The following FHIT variants were observed in gnomAD, a reference collection of about 807,000 sequenced individuals.
FHIT encodes the protein bis(5'-adenosyl)-triphosphatase.
FHIT carries 19 observed loss-of-function variants against 17.9 expected under a neutral mutation model. The ratio of observed to expected loss-of-function variants is 1.06; its 90% confidence interval spans 0.74 to 1.56. The LOEUF (loss-of-function observed/expected upper bound fraction) is 1.56. Ranked by LOEUF, FHIT falls within the 40% of genes most tolerant of loss-of-function variation. The probability of loss-of-function intolerance (pLI) is 0.00; values close to 1 mark genes in which losing one functional copy is unlikely to be tolerated. For missense variants in FHIT, 248 were observed against 189.2 expected, an observed-to-expected ratio of 1.31 and a Z score of -1.82; for synonymous variants, 81 against 69.7, an observed-to-expected ratio of 1.16 and a Z score of -0.81.
intron 3 of FHIT, among the ~76,000 whole-genome samples, chr3:60,947,685 A>G (rs1255079332): frequency 2.6e-5 from 4 of 152,190 alleles, no homozygotes; most frequent in Non-Finnish European, 5.9e-5. Flanking sequence ...TGGTCTTGTG[A>G]TCATGTCTTC....
chr3:60,207,373 C>T (rs1703245710), intron 5 of FHIT, among the ~76,000 whole-genome samples: 1 of 152,018 alleles, frequency 6.6e-6, no homozygotes, highest in South Asian at 2.1e-4. Flanking sequence ...CAACCTACAC[C>T]TTTCCTTCCT....
At chr3:60,359,843 G>C (rs17062818) in intron 5 of FHIT, among the ~76,000 whole-genome samples, 1 of 152,078 alleles carries the variant, frequency 6.6e-6, no homozygotes, top group African/African-American at 2.4e-5. Context: ...TATATATCAG[G>C]CTGGCTTTCT....
intron 4 of FHIT, among the ~76,000 whole-genome samples, chr3:60,567,493 C>T (rs532325894): frequency 1.3e-5 from 2 of 152,156 alleles, no homozygotes; most frequent in Admixed American, 6.5e-5. Flanking sequence ...GACCTAAAAC[C>T]ATAAAAACCC....
At chr3:60,556,039 T>G (rs1391494864) in intron 4 of FHIT, among the ~76,000 whole-genome samples, 1 of 152,212 alleles carries the variant, frequency 6.6e-6, no homozygotes, top group African/African-American at 2.4e-5. Flanking sequence ...TGTCCTCCTT[T>G]TCACTTGTAT....
chr3:61,027,137 A>G (rs2032774906), intron 3 of FHIT, among the ~76,000 whole-genome samples: 1 of 152,166 alleles, frequency 6.6e-6, no homozygotes, highest in East Asian at 1.9e-4. Context: ...CCCAGGCTAC[A>G]GTGCAGTGGC....
intron 8 of FHIT, among the ~76,000 whole-genome samples, chr3:59,913,338 G>C (rs1704975364): frequency 6.6e-6 from 1 of 152,098 alleles, no homozygotes; most frequent in Admixed American, 6.5e-5. Context: ...TAAAATTGAA[G>C]GATAATATTT....
chr3:59,968,020 G>C (rs1200597565), intron 7 of FHIT, among the ~76,000 whole-genome samples: 1 of 152,056 alleles, frequency 6.6e-6, no homozygotes, highest in Non-Finnish European at 1.5e-5. Flanking sequence ...ACACAGCAGG[G>C]CTCAAGCAAG....
chr3:59,945,381 GTTAAT>G (rs1706748836), intron 7 of FHIT, among the ~76,000 whole-genome samples: 1 of 152,054 alleles, frequency 6.6e-6, no homozygotes, highest in East Asian at 1.9e-4. Flanking sequence ...GTTTTTGCTT[GTTAAT>G]TTATTTAAAT....
intron 5 of FHIT, among the ~76,000 whole-genome samples, chr3:60,092,576 A>T (rs1703777836): frequency 6.6e-6 from 1 of 152,196 alleles, no homozygotes. Context: ...TATTTCACAC[A>T]TATATCTCAG....
intron 7 of FHIT, among the ~76,000 whole-genome samples, chr3:59,934,725 G>A (rs546649389): frequency 6.6e-6 from 1 of 152,130 alleles, no homozygotes; most frequent in East Asian, 1.9e-4. Context: ...CTTCACATGG[G>A]GGCAGCAAGG....
At chr3:60,258,242 T>C (rs1218729347) in intron 5 of FHIT, among the ~76,000 whole-genome samples, 1 of 152,034 alleles carries the variant, frequency 6.6e-6, no homozygotes, top group Non-Finnish European at 1.5e-5. Flanking sequence ...CATGAAACAC[T>C]CTGTGACAAC....
chr3:60,306,195 T>G (rs921421801), intron 5 of FHIT, among the ~76,000 whole-genome samples: 2 of 152,134 alleles, frequency 1.3e-5, no homozygotes, highest in Admixed American at 1.3e-4. Context: ...TCTTTTGACT[T>G]TGTCTGACTT....
chr3:60,093,575 C>A (rs933287165), intron 5 of FHIT, among the ~76,000 whole-genome samples: 2 of 152,120 alleles, frequency 1.3e-5, no homozygotes, highest in African/African-American at 4.8e-5. Context: ...GGTATTCTAT[C>A]CAGGGATCCC....
At chr3:59,759,158 G>A (rs1325793007) in intron 8 of FHIT, among the ~76,000 whole-genome samples, 4 of 151,952 alleles carry the variant, frequency 2.6e-5, no homozygotes, top group African/African-American at 9.7e-5. Context: ...GACCTTCAAG[G>A]AAGTGTGGTG....
intron 5 of FHIT, among the ~76,000 whole-genome samples, chr3:60,046,350 G>A (rs559865573): frequency 4.6e-5 from 7 of 152,282 alleles, no homozygotes; most frequent in South Asian, 2.1e-4. Flanking sequence ...CAGGAAGCAC[G>A]GTCAACCAGC....
intron 2 of FHIT, among the ~76,000 whole-genome samples, chr3:61,185,204 C>T (rs1302917569): frequency 1.3e-5 from 2 of 152,138 alleles, no homozygotes; most frequent in African/African-American, 2.4e-5. Flanking sequence ...CGGAGCAAAG[C>T]AATTTGGCAT....
chr3:60,929,686 C>T (rs1435925400), intron 3 of FHIT, among the ~76,000 whole-genome samples: 1 of 152,184 alleles, frequency 6.6e-6, no homozygotes, highest in East Asian at 1.9e-4. Flanking sequence ...AGGAGAACTA[C>T]AAACCACTAC....
intron 3 of FHIT, among the ~76,000 whole-genome samples, chr3:60,976,770 C>T (rs923740991): frequency 2.0e-5 from 3 of 152,144 alleles, no homozygotes; most frequent in African/African-American, 7.2e-5. Flanking sequence ...AAGTTTGAAT[C>T]TCATTTCTTC....
intron 3 of FHIT, among the ~76,000 whole-genome samples, chr3:60,921,929 G>A (rs1553768485): frequency 6.6e-6 from 1 of 152,154 alleles, no homozygotes; most frequent in Non-Finnish European, 1.5e-5. Flanking sequence ...AGTCGGCCAG[G>A]CTCTGCCCAC....
Sources: allele counts gnomAD v4.1 joint callset (sites outside exome capture counted in the v4.1 genomes callset), GRCh38; gene constraint gnomAD v4.1.1; transcripts MANE v1.5; gene names NCBI Gene and HGNC (gene_info 2026-07-23, HGNC 2026-07-21).